Variants in MALRD1 observed in about 807,000 individuals in gnomAD.
MALRD1 encodes the protein MAM and LDL receptor class A domain containing 1, also known as MAM and LDL-receptor class A domain-containing protein 1.
In MALRD1, 247 loss-of-function variants were observed where a neutral mutation model predicts 242.1. The observed-to-expected ratio is 1.02, with a 90% confidence interval of 0.92 to 1.13. MALRD1 has a LOEUF of 1.13. Ranked by LOEUF, MALRD1 falls within the 50% of genes most tolerant of loss-of-function variation. MALRD1 has a pLI of 0.00. For synonymous variants in MALRD1, 995 were observed against 866.6 expected (o/e 1.15, Z -2.60); for missense variants, 2,989 against 2,533.1 (o/e 1.18, Z -3.86).
intron 33 of MALRD1, among the ~76,000 whole-genome samples, chr10:19,568,385 C>G (rs1042060233): frequency 6.6e-6 from 1 of 151,922 alleles, no homozygotes; most frequent in Non-Finnish European, 1.5e-5. Flanking sequence ...TCCTAACACT[C>G]CTACTCAAAG....
chr10:19,402,523 G>C lies in MALRD1; in HGVS notation c.4845+12914G>C, dbSNP rs539186772. 2.6e-5 allele frequency among the ~76,000 whole-genome samples: 4 copies of C among 152,110 alleles called. No individual in the cohort carries two copies. In the East Asian group the frequency reaches 5.8e-4, roughly 22 times the overall value. The stretch of plus-strand genomic sequence containing the variant: ...ACTTACCTTCAGCCATGACTGTGAG[G>C]CCTCCCCAGCCATGTGGAACTGTGA... On this transcript the variant is annotated intron_variant, in intron 28 of 39. Transcript: ENST00000454679.
In MALRD1 at chr10:19,538,940, T is replaced by A. The variant is rs958992665; in HGVS notation, c.5478+7589T>A. 2.6e-5 allele frequency among the ~76,000 whole-genome samples: 4 copies of A among 152,188 alleles called. No individual in the cohort carries two copies. In the South Asian group the frequency reaches 8.3e-4, roughly 32 times the overall value. On this transcript the variant is annotated intron_variant, in intron 32 of 39. Transcript: ENST00000454679. The stretch of plus-strand genomic sequence containing the variant: ...CTTAGATTTGAGGCATTCTTAGGCC[T>A]AAATGAGTTTCAGTAAAACCCATAG...
chr10:19,618,190 T>C (rs1455028612), intron 36 of MALRD1, among the ~76,000 whole-genome samples: 1 of 152,084 alleles, frequency 6.6e-6, no homozygotes, highest in Non-Finnish European at 1.5e-5. Context: ...TGCATAGTAT[T>C]CCATGGTATA....
chr10:19,695,713 A>G (rs1383998319), intron 38 of MALRD1, among the ~76,000 whole-genome samples: 1 of 151,984 alleles, frequency 6.6e-6, no homozygotes, highest in Admixed American at 6.6e-5. Context: ...TTTAGTAGAC[A>G]CAGGGTTTCA....
intron 36 of MALRD1, among the ~76,000 whole-genome samples, chr10:19,656,213 C>G (rs1397481949): frequency 6.6e-6 from 1 of 152,036 alleles, no homozygotes; most frequent in Non-Finnish European, 1.5e-5. Flanking sequence ...ATAGAAGAGT[C>G]CTAATACTAC....
At chr10:19,687,404 G>A (rs996281130) in intron 36 of MALRD1, among the ~76,000 whole-genome samples, 5 of 152,104 alleles carry the variant, frequency 3.3e-5, no homozygotes, top group African/African-American at 1.2e-4. Flanking sequence ...CAATGGTTCA[G>A]CATTTCCCAT....
rs1176228167 is a variant in MALRD1 at position 19,120,525 on chromosome 10, C to T, written c.695-2967C>T. Among the ~76,000 whole-genome samples the T allele has an allele frequency of 2.0e-5, 3 of 152,040 alleles. No homozygotes were observed. In the South Asian group the frequency reaches 6.2e-4, roughly 32 times the overall value. Reference sequence around the variant, plus strand: ...AAACATTTTGCTGAGTGAAAGGAACCAAGCACAAAGGCTACAGCCTGCATG... The same window carrying T: ...AAACATTTTGCTGAGTGAAAGGAACTAAGCACAAAGGCTACAGCCTGCATG... On this transcript the variant is annotated intron_variant, in intron 5 of 39. Coordinates refer to ENST00000454679, the MANE Select transcript of MALRD1 (RefSeq NM_001142308.3).
At chr10:19,591,798 G>A (rs180722562) in intron 33 of MALRD1, among the ~76,000 whole-genome samples, 25 of 152,178 alleles carry the variant, frequency 1.6e-4, no homozygotes, top group Non-Finnish European at 1.2e-4. Context: ...ATGCCCATCC[G>A]GCCACACTTC....
At chr10:19,615,191 A>G (rs1839087055) in intron 35 of MALRD1, among the ~76,000 whole-genome samples, 2 of 152,160 alleles carry the variant, frequency 1.3e-5, no homozygotes, top group South Asian at 4.1e-4. Flanking sequence ...ATAACTTTGT[A>G]CTCCATAAAT....
chr10:19,156,260 C>A (rs1392089779), intron 12 of MALRD1, among the ~76,000 whole-genome samples: 4 of 151,586 alleles, frequency 2.6e-5, no homozygotes, highest in Non-Finnish European at 5.9e-5. Flanking sequence ...TCCATAGATA[C>A]TTTCTTTTAA....
Position 19,315,921 on chromosome 10 carries a change from G to A in MALRD1, c.3420-8028G>A, listed in dbSNP as rs186300259. Among the ~76,000 whole-genome samples, 655 of 148,700 alleles carry A rather than the reference G, an allele frequency of 4.4e-3. 1 individual carries two copies. The highest frequency in any genetic ancestry group is 0.011 in the Middle Eastern group (3 of 266). ...GGTACAATTTTACTAAAATAGTATA[G>A]TAGTATACTGTTATACTAAATTCAT... On this transcript the variant is annotated intron_variant, in intron 21 of 39. Coordinates refer to ENST00000454679, the MANE Select transcript of MALRD1 (RefSeq NM_001142308.3).
intron 28 of MALRD1, among the ~76,000 whole-genome samples, chr10:19,435,368 A>T (rs567201600): frequency 6.6e-6 from 1 of 152,202 alleles, no homozygotes; most frequent in African/African-American, 2.4e-5. Flanking sequence ...CGCTGTTAGT[A>T]ACTGAGTCCA....
intron 8 of MALRD1, among the ~76,000 whole-genome samples, chr10:19,130,038 G>A (rs1036852944): frequency 1.3e-5 from 2 of 151,840 alleles, no homozygotes; most frequent in Non-Finnish European, 2.9e-5. Context: ...AATTGGATGA[G>A]ATATAATTTT....
chr10:19,450,823 G>A (rs1835282202), intron 29 of MALRD1, among the ~76,000 whole-genome samples: 1 of 152,086 alleles, frequency 6.6e-6, no homozygotes, highest in Non-Finnish European at 1.5e-5. Flanking sequence ...TTAATAGATG[G>A]CACCTTCTTG....
rs1193354700 is a variant in MALRD1, at chr10:19,345,540, G to A, written c.3902-2231G>A. ...TATTCTATACTACAAGAGGTTATAAGTATTATAGTCTATTCTAGGAAAAAA... is the reference window on the plus strand; with the variant it reads ...TATTCTATACTACAAGAGGTTATAAATATTATAGTCTATTCTAGGAAAAAA... On this transcript the variant is annotated intron_variant, in intron 24 of 39. Coordinates refer to ENST00000454679, the MANE Select transcript of MALRD1 (RefSeq NM_001142308.3). 2.0e-5 allele frequency among the ~76,000 whole-genome samples: 3 copies of A among 151,810 alleles called. No individual in the cohort carries two copies. The East Asian group carries it at 5.8e-4, about 29-fold the overall frequency.
intron 1 of MALRD1, among the ~76,000 whole-genome samples, chr10:19,055,111 T>TA (rs1338168517): frequency 1.3e-5 from 2 of 152,214 alleles, no homozygotes; most frequent in Non-Finnish European, 2.9e-5. Flanking sequence ...TATGAGATTA[T>TA]ATCTCATTGT....
chr10:19,399,191 T>G (rs1846719089), intron 28 of MALRD1, among the ~76,000 whole-genome samples: 1 of 152,206 alleles, frequency 6.6e-6, no homozygotes, highest in South Asian at 2.1e-4. Context: ...TCAACTGCTG[T>G]GCACACAACT....
chr10:19,623,650 A>G (rs1839507903), intron 36 of MALRD1, among the ~76,000 whole-genome samples: 1 of 152,148 alleles, frequency 6.6e-6, no homozygotes, highest in South Asian at 2.1e-4. Flanking sequence ...CCCAAGACTG[A>G]CAACCAAGAC....
intron 34 of MALRD1, among the ~76,000 whole-genome samples, chr10:19,596,573 G>T (rs1004283339): frequency 5.9e-5 from 9 of 151,430 alleles, no homozygotes; most frequent in Non-Finnish European, 1.3e-4. Flanking sequence ...TACAAAAATA[G>T]CAATAGTAAT....
Sources: allele counts gnomAD v4.1 joint callset (sites outside exome capture counted in the v4.1 genomes callset), GRCh38; gene constraint gnomAD v4.1.1; transcripts MANE v1.5; gene names NCBI Gene and HGNC (gene_info 2026-07-23, HGNC 2026-07-21).